The following SLA variants were observed in gnomAD, a reference collection of about 807,000 sequenced individuals.
The protein encoded by SLA is src-like-adapter.
Under a neutral mutation model 30.3 loss-of-function variants are expected in SLA, and 16 were observed. The observed-to-expected ratio is 0.53, with a 90% CI of 0.36 to 0.80. The LOEUF (loss-of-function observed/expected upper bound fraction) is 0.80, where lower values mean the gene tolerates loss of function less well. Among genes scored for constraint, SLA ranks in the 30% least tolerant of loss-of-function variants. The pLI, the probability that SLA is intolerant of heterozygous loss-of-function variation, is 0.01. For synonymous variants in SLA, 143 were observed against 137.8 expected (o/e 1.04, Z -0.26); for missense variants, 310 against 345.2 (o/e 0.90, Z 0.81).
intron 1 of SLA, among the ~76,000 whole-genome samples, chr8:133,100,604 T>C (rs951737806): frequency 3.3e-5 from 5 of 152,218 alleles, no homozygotes; most frequent in Non-Finnish European, 7.3e-5. Context: ...TTATTACTAT[T>C]TTTCAGAGAG....
At chr8:133,076,038 G>C (rs1013803200) in intron 1 of SLA, 1 of 152,086 alleles carries the variant, frequency 6.6e-6, no homozygotes, top group African/African-American at 2.4e-5. Flanking sequence ...GAGAAACTCA[G>C]GCACATGGGG....
chr8:133,081,687 C>T (rs1845774893), intron 1 of SLA, among the ~76,000 whole-genome samples: 1 of 152,046 alleles, frequency 6.6e-6, no homozygotes, highest in Non-Finnish European at 1.5e-5. Flanking sequence ...TGTCATTGCT[C>T]AACCTAGACC....
At chr8:133,049,269 A>C (rs1839995612) in intron 5 of SLA, 1 of 414,314 alleles carries the variant, frequency 2.4e-6, no homozygotes, top group Non-Finnish European at 4.9e-6. Context: ...CCATTTTTCA[A>C]GGAAGGCACA....
At chr8:133,056,780 A>G (rs1266403834) in intron 3 of SLA, among the ~76,000 whole-genome samples, 1 of 152,178 alleles carries the variant, frequency 6.6e-6, no homozygotes. Flanking sequence ...AGGAGGACAG[A>G]GAGACTAAGG....
chr8:133,055,361 G>GCACACACA (rs746605171), intron 3 of SLA, among the ~76,000 whole-genome samples: 1 of 131,658 alleles, frequency 7.6e-6, no homozygotes, highest in African/African-American at 2.6e-5. Context: ...ACACACGCAC[G>GCACACACA]CGCGCACACA....
intron 2 of SLA, among the ~76,000 whole-genome samples, chr8:133,068,690 A>G (rs1166606106): frequency 6.6e-6 from 1 of 152,214 alleles, no homozygotes; most frequent in African/African-American, 2.4e-5. Flanking sequence ...GTGTCAGTAC[A>G]GTGAGTGGGC....
intron 3 of SLA, among the ~76,000 whole-genome samples, chr8:133,051,183 C>T (rs969243985): frequency 6.6e-6 from 1 of 152,182 alleles, no homozygotes; most frequent in Non-Finnish European, 1.5e-5. Context: ...GATCCAAAGG[C>T]TGTGAGATGA....
chr8:133,058,986 C>A, intron 3 of SLA: 1 of 468,690 alleles, frequency 2.1e-6, no homozygotes, highest in East Asian at 6.6e-5. Context: ...ACCACACAAG[C>A]TGGGCCTGTC....
rs1485357200 is a variant in SLA at position 133,051,771 on chromosome 8, T to C, written c.62-856A>G. On this transcript the variant is annotated intron_variant, in intron 3 of 8. Coordinates refer to ENST00000338087, the MANE Select transcript of SLA (RefSeq NM_001045556.3). Reference sequence around the variant, plus strand: ...CATTAGATGCAGGGTAATATTTGGATACATTTTTGGGGGAAATAACAAGAT... The same window carrying C: ...CATTAGATGCAGGGTAATATTTGGACACATTTTTGGGGGAAATAACAAGAT... 3.3e-5 allele frequency among the ~76,000 whole-genome samples: 5 copies of C among 152,204 alleles called. No individual in the cohort carries two copies. In the East Asian group the frequency reaches 9.6e-4, roughly 29 times the overall value.
chr8:133,038,140 C>T lies in SLA; in HGVS notation c.*384G>A, dbSNP rs1837423982. ...TCTCAGGCTTGCCCATACAGAAGTT[C>T]TCTCCAATGACCTTGGAGTGTAACT... On this transcript the variant is annotated 3_prime_UTR_variant, in exon 9 of 9. Coordinates refer to ENST00000338087, the MANE Select transcript of SLA (RefSeq NM_001045556.3). The T allele has an allele frequency of 2.0e-5, 4 of 199,938 alleles. 1 individual carries two copies. In the South Asian group the frequency reaches 3.6e-4, roughly 18 times the overall value. 12.4% of individuals were successfully genotyped at this position (199,938 alleles called of 1,614,324 possible).
rs1837259611 is a variant in SLA, at chr8:133,037,208, C to G, written c.*1316G>C. ...AGGGAAACATGAGTCACAGATTCAT[C>G]TGCAGCCCACTCTCTTCCTAGTAGG... On this transcript the variant is annotated 3_prime_UTR_variant, in exon 9 of 9. Coordinates refer to ENST00000338087, the MANE Select transcript of SLA (RefSeq NM_001045556.3). The G allele has an allele frequency of 6.6e-6, 1 of 152,210 alleles. No individual in the cohort carries two copies. The highest frequency in any genetic ancestry group is 1.5e-5 in the Non-Finnish European group (1 of 68,038). The allele number at this position is 152,210 out of a possible 1,614,324, so 9.4% of individuals were successfully genotyped here.
In SLA at chr8:133,077,015, A is replaced by G. The variant is rs900135184; in HGVS notation, c.-318-1885T>C. Among the ~76,000 whole-genome samples the G allele has an allele frequency of 3.3e-5, 5 of 152,234 alleles. No homozygotes were observed. The South Asian group carries it at 8.3e-4, about 25-fold the overall frequency. On this transcript the variant is annotated intron_variant, in intron 1 of 8. Transcript: ENST00000338087. ...TATGGCGACCCATCAAAGAAACTCAATGGGTTGATGGGACCGAGGGGCGCA... is the reference window on the plus strand; with the variant it reads ...TATGGCGACCCATCAAAGAAACTCAGTGGGTTGATGGGACCGAGGGGCGCA...
chr8:133,088,271 C>T (rs1213219466), intron 1 of SLA, among the ~76,000 whole-genome samples: 3 of 152,156 alleles, frequency 2.0e-5, no homozygotes, highest in Admixed American at 1.3e-4. Flanking sequence ...TCCTCCTCCT[C>T]CTCCTCCTCT....
At chr8:133,067,832 G>A (rs1843253149) in intron 2 of SLA, among the ~76,000 whole-genome samples, 1 of 150,710 alleles carries the variant, frequency 6.6e-6, no homozygotes, top group Non-Finnish European at 1.5e-5. Context: ...AAGGGGGAGA[G>A]AGAGAGAGAC....
At chr8:133,060,264 C>T (rs1413629722) in intron 2 of SLA, 64 bp from the exon 3 acceptor site, 2 of 1,607,110 alleles carry the variant, frequency 1.2e-6, no homozygotes, top group Non-Finnish European at 1.7e-6. Flanking sequence ...TGGAGAATGA[C>T]CCAGTTTAGA....
chr8:133,078,744 G>C (rs146565269), intron 1 of SLA, among the ~76,000 whole-genome samples: 1 of 152,130 alleles, frequency 6.6e-6, no homozygotes, highest in Admixed American at 6.5e-5. Flanking sequence ...TGTTCATTAC[G>C]TATTTGCTGA....
chr8:133,087,587 G>A (rs1268649928), intron 1 of SLA: 1 of 152,140 alleles, frequency 6.6e-6, no homozygotes, highest in Admixed American at 6.5e-5. Context: ...TCATATTTTA[G>A]TGTGGAATTC....
intron 3 of SLA, chr8:133,059,269 G>T: frequency 2.6e-6 from 1 of 383,150 alleles, no homozygotes; most frequent in African/African-American, 2.1e-5. Context: ...GGTGCCCCCT[G>T]GCTTCCCTAA....
At chr8:133,076,425 A>G (rs1396667902) in intron 1 of SLA, among the ~76,000 whole-genome samples, 1 of 152,250 alleles carries the variant, frequency 6.6e-6, no homozygotes, top group Non-Finnish European at 1.5e-5. Context: ...CACTAGAGAG[A>G]TGGTTCCTTA....
Sources: gnomAD v4.1 joint callset for allele counts (sites outside exome capture counted in the v4.1 genomes callset) on GRCh38, gnomAD v4.1.1 for gene constraint, MANE v1.5 for transcripts, NCBI Gene and HGNC (gene_info 2026-07-23, HGNC 2026-07-21) for gene names.